The following RBFOX1 variants were observed in gnomAD, a reference collection of about 807,000 sequenced individuals.
RBFOX1 encodes RNA binding protein fox-1 homolog 1.
In RBFOX1, 8 loss-of-function variants were observed where a neutral mutation model predicts 57.7. That is an observed-to-expected ratio of 0.14 (90% confidence interval 0.08 to 0.25). The LOEUF (loss-of-function observed/expected upper bound fraction) is 0.25, where lower values mean the gene tolerates loss of function less well. RBFOX1 is among the 10% of genes least tolerant of loss of function. RBFOX1 has a pLI of 1.00. For missense variants in RBFOX1, 611 were observed against 548.5 expected, an observed-to-expected ratio of 1.11 and a Z score of -1.14; for synonymous variants, 326 against 222.4, an observed-to-expected ratio of 1.47 and a Z score of -4.15.
chr16:7,652,943 T>C (rs115440047), intron 11 of RBFOX1, among the ~76,000 whole-genome samples: 1,772 of 152,096 alleles, frequency 0.012, 38 homozygotes, highest in African/African-American at 0.04. Flanking sequence ...ACTGGAAAAA[T>C]AGGATGGGGG....
chr16:6,950,963 TG>T (rs2080617704), intron 3 of RBFOX1, among the ~76,000 whole-genome samples: 1 of 152,034 alleles, frequency 6.6e-6, no homozygotes, highest in African/African-American at 2.4e-5. Context: ...TGGAGTGCAG[TG>T]GCATGATCAC....
At chr16:6,272,747 TTTAAA>T (rs1286487707) in intron 1 of RBFOX1, among the ~76,000 whole-genome samples, 3 of 152,126 alleles carry the variant, frequency 2.0e-5, no homozygotes, top group Non-Finnish European at 4.4e-5. Flanking sequence ...ATAGATCCAT[TTTAAA>T]AAGTGTATAG....
intron 1 of RBFOX1, among the ~76,000 whole-genome samples, chr16:5,453,167 C>G (rs1393933224): frequency 6.6e-6 from 1 of 152,156 alleles, no homozygotes; most frequent in Admixed American, 6.5e-5. Context: ...CCATATTTAT[C>G]AAGCTCCTAC....
chr16:6,117,609 C>T (rs1260618176), intron 1 of RBFOX1, among the ~76,000 whole-genome samples: 4 of 152,254 alleles, frequency 2.6e-5, no homozygotes, highest in Non-Finnish European at 5.9e-5. Flanking sequence ...GAAGACACAG[C>T]ATTCCTCTCC....
chr16:5,247,614 A>G (rs1249845375), intron 1 of RBFOX1, among the ~76,000 whole-genome samples: 1 of 152,178 alleles, frequency 6.6e-6, no homozygotes, highest in Non-Finnish European at 1.5e-5. Flanking sequence ...ATAAAGTTTT[A>G]TTGGAACACA....
intron 1 of RBFOX1, among the ~76,000 whole-genome samples, chr16:5,294,301 C>A (rs564131699): frequency 6.6e-6 from 1 of 152,164 alleles, no homozygotes; most frequent in Non-Finnish European, 1.5e-5. Context: ...CCAAGAGATT[C>A]TGTAGTAATT....
chr16:5,991,645 G>GTTTCTTTTT (rs1567229409), intron 4 of RBFOX1, among the ~76,000 whole-genome samples: 1 of 123,932 alleles, frequency 8.1e-6, no homozygotes. Context: ...TTATTAGATA[G>GTTTCTTTTT]TTTTTTTTTT....
chr16:6,137,858 C>T (rs954127148), intron 1 of RBFOX1, among the ~76,000 whole-genome samples: 2 of 152,116 alleles, frequency 1.3e-5, no homozygotes, highest in Non-Finnish European at 2.9e-5. Flanking sequence ...AATCCTCCTG[C>T]CTCAATCTCC....
chr16:7,698,280 G>C (rs2079469443), intron 14 of RBFOX1, among the ~76,000 whole-genome samples: 1 of 151,908 alleles, frequency 6.6e-6, no homozygotes, highest in East Asian at 1.9e-4. Flanking sequence ...ACCATGCCAG[G>C]ACCCACCATG....
At chr16:7,222,475 T>C (rs781625779) in intron 4 of RBFOX1, among the ~76,000 whole-genome samples, 5 of 152,276 alleles carry the variant, frequency 3.3e-5, no homozygotes, top group Non-Finnish European at 7.4e-5. Flanking sequence ...CCTTGAAAAG[T>C]TGGCAATGCA....
At chr16:5,424,974 CTTTCTTTTCTTTTCTTTTCTTTTCT>C (rs372212119) in intron 1 of RBFOX1, among the ~76,000 whole-genome samples, 1 of 70,628 alleles carries the variant, frequency 1.4e-5, no homozygotes, top group African/African-American at 6.1e-5. Flanking sequence ...CTCTTTCTTT[CTTTCTTTTCTTTTCTTTTCTTTTCT>C]TTTCTTTTCT....
Position 5,397,438 on chromosome 16 carries a change from C to A in RBFOX1, c.220-69778C>A, listed in dbSNP as rs1480909859. Among the ~76,000 whole-genome samples the A allele has an allele frequency of 2.0e-5, 3 of 152,224 alleles. No individual in the cohort carries two copies. In the South Asian group the frequency reaches 6.2e-4, roughly 32 times the overall value. On this transcript the variant is annotated intron_variant, in intron 1 of 2. Transcript: ENST00000585867. The stretch of plus-strand genomic sequence containing the variant: ...ACTGAGCCAACCTGAAACCATGAGA[C>A]CATGCCTGCATGTGAGGTCTGTGGT...
At chr16:6,122,576 A>G (rs997279605) in intron 1 of RBFOX1, among the ~76,000 whole-genome samples, 1 of 152,090 alleles carries the variant, frequency 6.6e-6, no homozygotes, top group African/African-American at 2.4e-5. Context: ...CCAGGCTTAT[A>G]TTGTGCTGAC....
chr16:6,713,653 A>G (rs1367956100), intron 3 of RBFOX1, among the ~76,000 whole-genome samples: 2 of 152,206 alleles, frequency 1.3e-5, no homozygotes, highest in Non-Finnish European at 2.9e-5. Context: ...AACAAAATTG[A>G]AGTTACAGTT....
chr16:5,458,291 T>C (rs1339451882), intron 1 of RBFOX1, among the ~76,000 whole-genome samples: 1 of 152,042 alleles, frequency 6.6e-6, no homozygotes, highest in African/African-American at 2.4e-5. Context: ...ATGTCATCGA[T>C]GAATCAATGA....
intron 4 of RBFOX1, among the ~76,000 whole-genome samples, chr16:6,011,597 T>C (rs2094961694): frequency 6.6e-6 from 1 of 152,202 alleles, no homozygotes; most frequent in African/African-American, 2.4e-5. Flanking sequence ...AGGCTTGGCA[T>C]AGAGTATGTT....
At chr16:5,673,816 CT>C (rs1196038237) in intron 3 of RBFOX1, among the ~76,000 whole-genome samples, 1 of 152,356 alleles carries the variant, frequency 6.6e-6, no homozygotes, top group East Asian at 1.9e-4. Flanking sequence ...CCTTGTGGCT[CT>C]TTCCGATGTT....
intron 3 of RBFOX1, among the ~76,000 whole-genome samples, chr16:5,625,196 C>A (rs2048312998): frequency 6.6e-6 from 1 of 151,846 alleles, no homozygotes; most frequent in Non-Finnish European, 1.5e-5. Flanking sequence ...AAGATGAGCC[C>A]CCCAGAACAG....
intron 3 of RBFOX1, among the ~76,000 whole-genome samples, chr16:6,969,634 C>T (rs1030290819): frequency 6.6e-6 from 1 of 152,098 alleles, no homozygotes; most frequent in Non-Finnish European, 1.5e-5. Flanking sequence ...GTCTCAGCTA[C>T]TCGGGAGGCT....
Sources: allele counts gnomAD v4.1 joint callset (sites outside exome capture counted in the v4.1 genomes callset), GRCh38; gene constraint gnomAD v4.1.1; transcripts MANE v1.5; gene names NCBI Gene and HGNC (gene_info 2026-07-23, HGNC 2026-07-21).